FBXO42: variants seen among roughly 807,000 people sequenced by gnomAD.
The protein encoded by FBXO42 is F-box protein 42, also known as F-box only protein 42.
In FBXO42, 12 loss-of-function variants were observed where a neutral mutation model predicts 71.7. The observed-to-expected ratio is 0.17, with a 90% CI of 0.11 to 0.27. The LOEUF is 0.27. Among genes scored for constraint, FBXO42 ranks in the 10% least tolerant of loss-of-function variants. The pLI is 1.00. For synonymous variants in FBXO42, 325 were observed against 327.5 expected (o/e 0.99, Z 0.08); for missense variants, 707 against 911.9 (o/e 0.78, Z 2.89).
intron 4 of FBXO42, among the ~76,000 whole-genome samples, chr1:16,268,919 C>T (rs1274532417): frequency 2.6e-5 from 4 of 150,944 alleles, no homozygotes; most frequent in South Asian, 2.1e-4. Flanking sequence ...CGGGATTCTC[C>T]GGTCTCAGCC....
intron 4 of FBXO42, among the ~76,000 whole-genome samples, chr1:16,288,596 C>T (rs1194588960): frequency 6.6e-6 from 1 of 152,074 alleles, no homozygotes; most frequent in Non-Finnish European, 1.5e-5. Context: ...CCACCATCAA[C>T]GTAGCTGTAT....
chr1:16,335,207 T>C (rs986004134), intron 1 of FBXO42, among the ~76,000 whole-genome samples: 2 of 152,064 alleles, frequency 1.3e-5, no homozygotes, highest in African/African-American at 4.8e-5. Context: ...GTGGGAGGAC[T>C]GTTTGAGGCC....
intron 1 of FBXO42, among the ~76,000 whole-genome samples, chr1:16,339,543 C>T (rs527997018): frequency 7.3e-5 from 11 of 151,598 alleles, no homozygotes; most frequent in Admixed American, 5.9e-4. Flanking sequence ...GATGTCTTGA[C>T]CTCATGATCA....
intron 2 of FBXO42, among the ~76,000 whole-genome samples, chr1:16,307,040 C>T (rs1313846596): frequency 2.0e-5 from 3 of 152,108 alleles, no homozygotes; most frequent in African/African-American, 4.8e-5. Flanking sequence ...TACAGACATG[C>T]ATCACCATGC....
intron 4 of FBXO42, among the ~76,000 whole-genome samples, chr1:16,270,751 T>TGCACACACACAC (rs1553150254): frequency 9.0e-6 from 1 of 111,002 alleles, no homozygotes; most frequent in African/African-American, 3.6e-5. Context: ...TACCATGAGA[T>TGCACACACACAC]ACACACACAC....
chr1:16,285,002 C>T (rs566023545), intron 4 of FBXO42, among the ~76,000 whole-genome samples: 202 of 117,716 alleles, frequency 1.7e-3, no homozygotes, highest in Non-Finnish European at 2.0e-3. Context: ...TAAAGTTAGC[C>T]GGGCGTGGTG....
chr1:16,346,401 T>C (rs6603854), intron 1 of FBXO42, among the ~76,000 whole-genome samples: 99,064 of 152,138 alleles, frequency 0.65, 33,810 homozygotes, highest in African/African-American at 0.86. Context: ...TACTAGAAAA[T>C]AAGAGAGCGA....
At position 16,248,821 on chromosome 1, in the gene FBXO42, G is replaced by A. The variant is rs868027092; in HGVS notation, c.*1849C>T. 6.6e-6 allele frequency: 1 copy of A among 152,386 alleles called. No individual in the cohort carries two copies. Among genetic ancestry groups the A allele is most frequent in the Middle Eastern group, 3.4e-3 (1 of 294 alleles). The allele number at this position is 152,386 out of a possible 1,614,324, so 9.4% of individuals were successfully genotyped here. Reference sequence around the variant, plus strand: ...GACACATGTTGTTTCCTCATTGAAGGGAACACAAAGAGCAGTTTCTGGAAC... The same window carrying A: ...GACACATGTTGTTTCCTCATTGAAGAGAACACAAAGAGCAGTTTCTGGAAC... On this transcript the variant is annotated 3_prime_UTR_variant, in exon 10 of 10. Transcript: ENST00000375592.
intron 4 of FBXO42, among the ~76,000 whole-genome samples, chr1:16,279,308 G>A (rs907968608): frequency 3.3e-5 from 5 of 152,090 alleles, no homozygotes; most frequent in Admixed American, 2.0e-4. Flanking sequence ...TCTAACTCTG[G>A]ATAGCTTGAA....
At chr1:16,270,710 AGAAG>A (rs1223628996) in intron 4 of FBXO42, among the ~76,000 whole-genome samples, 3 of 146,146 alleles carry the variant, frequency 2.1e-5, no homozygotes, top group Non-Finnish European at 4.5e-5. Flanking sequence ...AAGAAAAGAA[AGAAG>A]AAAAGATAAA....
intron 3 of FBXO42, among the ~76,000 whole-genome samples, chr1:16,301,551 T>C (rs1269200345): frequency 6.6e-6 from 1 of 151,250 alleles, no homozygotes. Flanking sequence ...TAATCCCAGC[T>C]ACTTGGGAGG....
intron 4 of FBXO42, among the ~76,000 whole-genome samples, chr1:16,267,170 G>C (rs2081785584): frequency 6.6e-6 from 1 of 152,090 alleles, no homozygotes; most frequent in African/African-American, 2.4e-5. Flanking sequence ...TTTCTATCTG[G>C]AACAGATACT....
intron 2 of FBXO42, among the ~76,000 whole-genome samples, chr1:16,312,727 G>C (rs2082325060): frequency 6.6e-6 from 1 of 152,016 alleles, no homozygotes; most frequent in Admixed American, 6.6e-5. Flanking sequence ...ACTCTGGTGG[G>C]GGATGTTGAT....
In FBXO42 at chr1:16,252,408, T is replaced by A; in HGVS notation, c.922-4A>T. ...ACAACCAAGCATCCTTGAATAGCTGTAAGAGAAAAAACCAATAACAAGACT... is the reference window on the plus strand; with the variant it reads ...ACAACCAAGCATCCTTGAATAGCTGAAAGAGAAAAAACCAATAACAAGACT... On this transcript the variant is annotated splice_polypyrimidine_tract_variant and splice_region_variant and intron_variant, in intron 8 of 9. Coordinates refer to ENST00000375592, the MANE Select transcript of FBXO42 (RefSeq NM_018994.3). This position sits in a 1 kb window ranked among gnomAD's most constrained non-coding sequence, Gnocchi z 4.4. The A allele has an allele frequency of 6.2e-7, 1 of 1,611,382 alleles. No homozygotes were observed.
chr1:16,312,038 CA>C (rs375969379), intron 2 of FBXO42, among the ~76,000 whole-genome samples: 1 of 149,978 alleles, frequency 6.7e-6, no homozygotes, highest in Non-Finnish European at 1.5e-5. Flanking sequence ...TCAGCACTAA[CA>C]AAAAAAAAGC....
chr1:16,262,305 A>AT (rs2081723488), intron 4 of FBXO42, among the ~76,000 whole-genome samples: 1 of 152,216 alleles, frequency 6.6e-6, no homozygotes, highest in Non-Finnish European at 1.5e-5. Context: ...CTACAGGAGT[A>AT]TACCAAAATG....
chr1:16,273,170 GGTTAAACAACC>G (rs1172695796), intron 4 of FBXO42, among the ~76,000 whole-genome samples: 1 of 152,094 alleles, frequency 6.6e-6, no homozygotes, highest in Non-Finnish European at 1.5e-5. Flanking sequence ...AGGCAACTGG[GGTTAAACAACC>G]GGTAACCAGC....
In FBXO42 at chr1:16,339,290, C is replaced by T. The variant is rs2082581135; in HGVS notation, c.-18+12965G>A. On this transcript the variant is annotated intron_variant, in intron 1 of 9. Coordinates refer to ENST00000375592, the MANE Select transcript of FBXO42 (RefSeq NM_018994.3). ...ACCATTACTTATCGACACAATGTCA[C>T]ACTATTTCATATTGTTATAGTTTTT... Among the ~76,000 whole-genome samples the T allele has an allele frequency of 4.6e-5, 7 of 152,074 alleles. No individual in the cohort carries two copies. The South Asian group carries it at 1.2e-3, about 27-fold the overall frequency.
In FBXO42 at chr1:16,305,786, T is replaced by C; in HGVS notation, c.367+17A>G. The C allele has an allele frequency of 6.3e-7, 1 of 1,578,574 alleles. No homozygotes were observed. The highest frequency in any genetic ancestry group is 8.7e-7 in the Non-Finnish European group (1 of 1,147,784). On this transcript the variant is annotated intron_variant, in intron 3 of 9. Transcript: ENST00000375592. ...ACCACAGGCAGGGTGGAATCTGCTTTCACAGTAAATACTTACTGTGCGAGA... is the reference window on the plus strand; with the variant it reads ...ACCACAGGCAGGGTGGAATCTGCTTCCACAGTAAATACTTACTGTGCGAGA...
Sources: gnomAD v4.1 joint callset for allele counts (sites outside exome capture counted in the v4.1 genomes callset) on GRCh38, gnomAD v4.1.1 for gene constraint, Gnocchi (gnomAD v3.1) non-coding constraint, MANE v1.5 for transcripts, NCBI Gene and HGNC (gene_info 2026-07-23, HGNC 2026-07-21) for gene names.